Variants in STK32A observed in about 807,000 individuals in gnomAD.
STK32A encodes serine/threonine kinase 32A, also known as serine/threonine-protein kinase 32A.
Under a neutral mutation model 53.2 loss-of-function variants are expected in STK32A, and 41 were observed. The ratio of observed to expected loss-of-function variants is 0.77; its 90% CI spans 0.60 to 1.00. The LOEUF is 1.00. Among genes scored for constraint, STK32A ranks in the 50% least tolerant of loss-of-function variants. STK32A has a pLI of 0.00. For synonymous variants in STK32A, 166 were observed against 162.8 expected, an observed-to-expected ratio of 1.02 and a Z score of -0.15; for missense variants, 458 against 485.8, an observed-to-expected ratio of 0.94 and a Z score of 0.54.
chr5:147,278,265 T>C, intron 3 of STK32A, 86 bp downstream of exon 3: 1 of 1,083,180 alleles, frequency 9.2e-7, no homozygotes, highest in East Asian at 2.6e-5. Flanking sequence ...ATTATTGAGT[T>C]GCTGGGACCG....
At chr5:147,307,624 C>CA (rs34762967) in intron 4 of STK32A, among the ~76,000 whole-genome samples, 2,801 of 75,004 alleles carry the variant, frequency 0.037, 114 homozygotes, top group East Asian at 0.25. Flanking sequence ...GACGCTGTCT[C>CA]AAAAAAAAAA....
chr5:147,353,010 C>T (rs1756055276), intron 7 of STK32A, among the ~76,000 whole-genome samples: 1 of 152,162 alleles, frequency 6.6e-6, no homozygotes, highest in African/African-American at 2.4e-5. Context: ...AGAGTGGAGT[C>T]TAGGCATAGT....
intron 4 of STK32A, among the ~76,000 whole-genome samples, chr5:147,295,955 A>T (rs1752846772): frequency 6.6e-6 from 1 of 152,256 alleles, no homozygotes; most frequent in Admixed American, 6.5e-5. Flanking sequence ...AAGCATCTTA[A>T]GTAAAGGTAG....
At chr5:147,383,324 T>C in intron 11 of STK32A, 117 bp from the exon 12 acceptor site, 1 of 833,288 alleles carries the variant, frequency 1.2e-6, no homozygotes, top group Non-Finnish European at 2.0e-6. Flanking sequence ...AAGATACTAC[T>C]TACTTCTCAA....
chr5:147,277,333 T>C (rs1751800315), intron 2 of STK32A, among the ~76,000 whole-genome samples: 1 of 152,162 alleles, frequency 6.6e-6, no homozygotes, highest in African/African-American at 2.4e-5. Flanking sequence ...GATTTGTTCT[T>C]CTCATCATTA....
intron 7 of STK32A, among the ~76,000 whole-genome samples, chr5:147,351,358 A>T (rs1755968125): frequency 6.6e-6 from 1 of 152,082 alleles, no homozygotes; most frequent in African/African-American, 2.4e-5. Flanking sequence ...CATTTTGAAA[A>T]CTTACTTCGT....
At chr5:147,370,170 T>A (rs749664012) in intron 8 of STK32A, among the ~76,000 whole-genome samples, 2 of 152,122 alleles carry the variant, frequency 1.3e-5, no homozygotes, top group Non-Finnish European at 2.9e-5. Context: ...AGTTGATGTT[T>A]TCTGAGCAGT....
intron 6 of STK32A, among the ~76,000 whole-genome samples, chr5:147,346,667 C>T (rs1386836969): frequency 1.3e-5 from 2 of 152,170 alleles, no homozygotes; most frequent in Non-Finnish European, 2.9e-5. Flanking sequence ...ACTCCTGACC[C>T]ACTATCCTAA....
In STK32A at chr5:147,279,299, T is replaced by C; in HGVS notation, c.161T>C (p.Met54Thr). ...AAGAAGATGTACGCAATGAAGTACA[T>C]GAATAAACAAAAGTGCGTGGAGCGC... ...DTKKMYAMKY[M>T]NKQKCVERNE... Residue 54 changes from methionine to threonine, a missense_variant, in exon 4 of 13, where the codon ATG becomes ACG. Met to Thr is a moderately conservative substitution (Grantham distance 81). Coordinates refer to ENST00000397936, the MANE Select transcript of STK32A (RefSeq NM_001112724.2). 3 of 1,613,986 alleles carry C rather than the reference T, an allele frequency of 1.9e-6. No individual in the cohort carries two copies. Among genetic ancestry groups the C allele is most frequent in the East Asian group, 2.2e-5 (1 of 44,870 alleles).
chr5:147,370,207 T>C (rs1462038655), intron 8 of STK32A, among the ~76,000 whole-genome samples: 1 of 152,140 alleles, frequency 6.6e-6, no homozygotes, highest in Non-Finnish European at 1.5e-5. Context: ...CCTCATTATG[T>C]TGCAGTGAAA....
At chr5:147,281,064 A>G (rs116690826) in intron 4 of STK32A, among the ~76,000 whole-genome samples, 476 of 151,646 alleles carry the variant, frequency 3.1e-3, no homozygotes, top group African/African-American at 0.011. Context: ...CTCACAAGAA[A>G]CCATATCCAT....
intron 2 of STK32A, among the ~76,000 whole-genome samples, 165 bp from the exon 3 acceptor site, chr5:147,277,959 G>C (rs1042696283): frequency 6.6e-6 from 1 of 152,150 alleles, no homozygotes; most frequent in African/African-American, 2.4e-5. Context: ...TTAATACATA[G>C]TAAGTGTTCA....
intron 4 of STK32A, among the ~76,000 whole-genome samples, chr5:147,316,205 A>G (rs1197029964): frequency 6.6e-6 from 1 of 152,216 alleles, no homozygotes; most frequent in East Asian, 1.9e-4. Flanking sequence ...CAAGATTTTC[A>G]TTGAGGGAGA....
intron 4 of STK32A, among the ~76,000 whole-genome samples, chr5:147,284,797 A>G (rs548646314): frequency 6.6e-6 from 1 of 152,316 alleles, no homozygotes; most frequent in East Asian, 1.9e-4. Context: ...GGAAGGAATC[A>G]TAGATGACAC....
At chr5:147,342,947 C>A in intron 5 of STK32A, 59 bp from the exon 6 acceptor site, 1 of 1,558,170 alleles carries the variant, frequency 6.4e-7, no homozygotes, top group Admixed American at 1.7e-5. Flanking sequence ...TTTGCCCCTA[C>A]CCCTTAGTTC....
At chr5:147,396,801 C>G in the STK32A span, among the ~76,000 whole-genome samples, 1 of 150,776 alleles carries the variant, frequency 6.6e-6, no homozygotes, top group Non-Finnish European at 1.5e-5. Context: ...TTCCACAATC[C>G]TAGGGTAGGG....
the STK32A span, chr5:147,399,283 C>T: frequency 1.2e-6 from 2 of 1,605,016 alleles, no homozygotes; most frequent in Middle Eastern, 1.7e-4. Context: ...ATATCTATAT[C>T]TATAGCTACA....
chr5:147,291,336 A>G (rs1226130886), intron 4 of STK32A, among the ~76,000 whole-genome samples: 2 of 152,068 alleles, frequency 1.3e-5, no homozygotes, highest in South Asian at 2.1e-4. Flanking sequence ...GGAAAGGATG[A>G]GTCTTAGTGG....
At chr5:147,367,211 A>G (rs1756792977) in intron 8 of STK32A, among the ~76,000 whole-genome samples, 2 of 151,898 alleles carry the variant, frequency 1.3e-5, no homozygotes. Context: ...GACTACAGGC[A>G]TATGCCACCA....
Sources: allele counts gnomAD v4.1 joint callset (sites outside exome capture counted in the v4.1 genomes callset), GRCh38; gene constraint gnomAD v4.1.1; transcripts MANE v1.5; gene names NCBI Gene and HGNC (gene_info 2026-07-23, HGNC 2026-07-21).